The following RTN4RL1 variants were observed in gnomAD, a reference collection of about 807,000 sequenced individuals.
RTN4RL1 encodes reticulon 4 receptor like 1, also known as reticulon-4 receptor-like 1.
RTN4RL1 carries 7 observed loss-of-function variants against 25.6 expected under a neutral mutation model. That is an observed-to-expected ratio of 0.27 (90% CI 0.16 to 0.51). The LOEUF (loss-of-function observed/expected upper bound fraction) is 0.51. RTN4RL1 is among the 20% of genes least tolerant of loss of function. RTN4RL1 has a pLI of 0.97. For missense variants in RTN4RL1, 500 were observed against 615.6 expected (o/e 0.81, Z 1.99); for synonymous variants, 297 against 288.2 (o/e 1.03, Z -0.31).
intron 1 of RTN4RL1, chr17:2,020,098 G>C (rs1191039579): frequency 6.6e-6 from 1 of 152,126 alleles, no homozygotes; most frequent in Non-Finnish European, 1.5e-5. Context: ...AAGCTCCTAA[G>C]GAGAGAAGCT....
At chr17:1,967,398 C>T (rs2066796579) in intron 1 of RTN4RL1, among the ~76,000 whole-genome samples, 1 of 152,140 alleles carries the variant, frequency 6.6e-6, no homozygotes, top group South Asian at 2.1e-4. Flanking sequence ...CCGCTACCCA[C>T]CACGCCTCGC....
chr17:2,002,535 G>T (rs539158189), intron 1 of RTN4RL1, among the ~76,000 whole-genome samples: 1 of 150,060 alleles, frequency 6.7e-6, no homozygotes, highest in Non-Finnish European at 1.5e-5. Flanking sequence ...CTCGTGATCC[G>T]CCCACCTCGG....
chr17:1,998,723 C>T lies in RTN4RL1; in HGVS notation c.13+26130G>A, dbSNP rs2066941549. Among the ~76,000 whole-genome samples the T allele has an allele frequency of 6.7e-6, 1 of 148,444 alleles. No homozygotes were observed. The highest frequency in any genetic ancestry group is 1.5e-5 in the Non-Finnish European group (1 of 67,314). On this transcript the variant is annotated intron_variant, in intron 1 of 1. Coordinates refer to ENST00000331238, the MANE Select transcript of RTN4RL1 (RefSeq NM_178568.4). The surrounding 1 kb of genome is among the most constrained non-coding windows in gnomAD (Gnocchi z 4.9). Reference sequence around the variant, plus strand: ...GAGCGCCCGGGCCCCGCTCCCCTCACGGGCCTCGCAGCACAGACGGGGACA... The same window carrying T: ...GAGCGCCCGGGCCCCGCTCCCCTCATGGGCCTCGCAGCACAGACGGGGACA...
At chr17:1,983,089 C>T (rs1364239536) in intron 1 of RTN4RL1, among the ~76,000 whole-genome samples, 1 of 151,310 alleles carries the variant, frequency 6.6e-6, no homozygotes, top group African/African-American at 2.4e-5. Flanking sequence ...CTCGCCCTGT[C>T]ACCCAGGCTG....
At chr17:2,003,321 A>C (rs1230531649) in intron 1 of RTN4RL1, 1 of 152,118 alleles carries the variant, frequency 6.6e-6, no homozygotes, top group Non-Finnish European at 1.5e-5. Context: ...GGAAGGCAAG[A>C]GGGATCTACG....
At chr17:1,986,588 C>T (rs1289811934) in intron 1 of RTN4RL1, among the ~76,000 whole-genome samples, 5 of 152,072 alleles carry the variant, frequency 3.3e-5, no homozygotes, top group East Asian at 3.9e-4. Flanking sequence ...GAGACTGGAG[C>T]GATGCAGCCA....
rs1402443767 is a variant in RTN4RL1 at position 1,988,516 on chromosome 17, AAAAAAAG to A, written c.13+36330_13+36336del. On this transcript the variant is annotated intron_variant, in intron 1 of 1. Transcript: ENST00000331238. Reference sequence around the variant, plus strand: ...AGAGAGACTCTGTCTCAAAAAAAAAAAAAAAAGAAAAGAAAAGAAAAAGAAAGAATTA... The same window carrying A: ...AGAGAGACTCTGTCTCAAAAAAAAAAAAAAGAAAAGAAAAAGAAAGAATTA... 4.1e-4 allele frequency among the ~76,000 whole-genome samples: 58 copies of A among 142,296 alleles called. 1 individual carries two copies. Among genetic ancestry groups the A allele is most frequent in the African/African-American group, 6.3e-4 (24 of 37,872 alleles). The allele number at this position is 142,296 out of a possible 152,430, so 93.4% of individuals were successfully genotyped here.
chr17:1,948,112 A>G (rs1039779051), intron 1 of RTN4RL1, among the ~76,000 whole-genome samples: 1 of 152,156 alleles, frequency 6.6e-6, no homozygotes, highest in Non-Finnish European at 1.5e-5. Context: ...AAGACCTGAC[A>G]TATCAGATGC....
chr17:2,023,079 T>C (rs2067229597), intron 1 of RTN4RL1, among the ~76,000 whole-genome samples: 1 of 152,128 alleles, frequency 6.6e-6, no homozygotes, highest in Admixed American at 6.5e-5. Context: ...AACTATAAAC[T>C]GCCAAAAGAC....
chr17:2,016,236 C>A (rs557552569), intron 1 of RTN4RL1, among the ~76,000 whole-genome samples: 37 of 152,214 alleles, frequency 2.4e-4, no homozygotes, highest in Admixed American at 7.9e-4. Context: ...CAAAAATTAG[C>A]CAGTTGTGGT....
At chr17:1,976,551 A>G (rs2066843510) in intron 1 of RTN4RL1, among the ~76,000 whole-genome samples, 1 of 152,218 alleles carries the variant, frequency 6.6e-6, no homozygotes, top group Admixed American at 6.5e-5. Context: ...GACTTTGGGC[A>G]GGTGGATTGG....
At chr17:1,996,011 C>T (rs930815022) in intron 1 of RTN4RL1, among the ~76,000 whole-genome samples, 58 of 152,260 alleles carry the variant, frequency 3.8e-4, no homozygotes, top group African/African-American at 1.3e-3. Context: ...GAGGTGAGGG[C>T]GTGCTGAGCC....
At chr17:2,023,635 C>T (rs2067238227) in intron 1 of RTN4RL1, 2 of 152,310 alleles carry the variant, frequency 1.3e-5, no homozygotes, top group African/African-American at 4.8e-5. Context: ...TCCACATCTG[C>T]TTCTCTCCGC....
At chr17:1,947,617 G>A (rs1007434951) in intron 1 of RTN4RL1, among the ~76,000 whole-genome samples, 2 of 152,006 alleles carry the variant, frequency 1.3e-5, no homozygotes, top group South Asian at 2.1e-4. Context: ...CATCTGCCTC[G>A]CTGGGCCCCT....
intron 1 of RTN4RL1, among the ~76,000 whole-genome samples, chr17:1,977,673 A>T (rs2066848496): frequency 6.6e-6 from 1 of 152,048 alleles, no homozygotes; most frequent in Non-Finnish European, 1.5e-5. Flanking sequence ...TGCAGAGGGA[A>T]ACCAATGTCA....
intron 1 of RTN4RL1, chr17:2,019,729 G>A (rs889337431): frequency 7.9e-5 from 12 of 152,290 alleles, no homozygotes; most frequent in Admixed American, 7.9e-4. Context: ...GCGGAGGCCA[G>A]AAACTCTGAA....
chr17:1,948,445 G>A (rs1179555755), intron 1 of RTN4RL1, among the ~76,000 whole-genome samples: 2 of 152,256 alleles, frequency 1.3e-5, no homozygotes, highest in Non-Finnish European at 2.9e-5. Context: ...GGAGGTTTCA[G>A]TGAAGGCTCT....
At chr17:1,967,432 A>G (rs573799945) in intron 1 of RTN4RL1, among the ~76,000 whole-genome samples, 1 of 151,930 alleles carries the variant, frequency 6.6e-6, no homozygotes, top group African/African-American at 2.4e-5. Flanking sequence ...ACTCAGATCA[A>G]GCCTCTCCCC....
chr17:1,953,619 C>T (rs1289113025), intron 1 of RTN4RL1, among the ~76,000 whole-genome samples: 2 of 152,036 alleles, frequency 1.3e-5, no homozygotes, highest in Non-Finnish European at 2.9e-5. Context: ...GGCTGGAGTG[C>T]AGTGGCGTGA....
Sources: allele counts gnomAD v4.1 joint callset (sites outside exome capture counted in the v4.1 genomes callset), GRCh38; gene constraint gnomAD v4.1.1; non-coding constraint Gnocchi (gnomAD v3.1); transcripts MANE v1.5; gene names NCBI Gene and HGNC (gene_info 2026-07-23, HGNC 2026-07-21).